Variants in ATF1 observed in about 807,000 individuals in gnomAD.
ATF1 encodes cyclic AMP-dependent transcription factor ATF-1.
Under a neutral mutation model 34.7 loss-of-function variants are expected in ATF1, and 16 were observed. The ratio of observed to expected loss-of-function variants is 0.46; its 90% CI spans 0.31 to 0.70. The LOEUF is 0.70. Among genes scored for constraint, ATF1 ranks in the 30% least tolerant of loss-of-function variants. The probability of loss-of-function intolerance (pLI) is 0.05; values close to 1 mark genes in which losing one functional copy is unlikely to be tolerated. For missense variants in ATF1, 255 were observed against 321.6 expected, an observed-to-expected ratio of 0.79 and a Z score of 1.58; for synonymous variants, 105 against 113.1, an observed-to-expected ratio of 0.93 and a Z score of 0.46.
intron 3 of ATF1, among the ~76,000 whole-genome samples, chr12:50,807,734 T>C (rs1941643221): frequency 6.6e-6 from 1 of 152,092 alleles, no homozygotes; most frequent in East Asian, 1.9e-4. Context: ...TAAGCATTTC[T>C]TTTTTCTTTT....
At chr12:50,787,010 G>A (rs1486114672) in intron 2 of ATF1, among the ~76,000 whole-genome samples, 4 of 152,160 alleles carry the variant, frequency 2.6e-5, no homozygotes, top group Non-Finnish European at 5.9e-5. Context: ...ATTTGAAGCT[G>A]GTAGTACACT....
At position 50,765,835 on chromosome 12, in the gene ATF1, C is replaced by T. The variant is rs560222033; in HGVS notation, c.-7+1528C>T. 3.3e-5 allele frequency among the ~76,000 whole-genome samples: 5 copies of T among 152,268 alleles called. No homozygotes were observed. In the East Asian group the frequency reaches 9.6e-4, roughly 29 times the overall value. On this transcript the variant is annotated intron_variant, in intron 1 of 6. Transcript: ENST00000262053. ...CCCATGGCAATGTCAGGAAGTTACC[C>T]TATATGGTCTAAAAAGGGGAGGCGT...
At chr12:50,818,740 G>A (rs1472826362) in intron 6 of ATF1, among the ~76,000 whole-genome samples, 1 of 152,174 alleles carries the variant, frequency 6.6e-6, no homozygotes, top group Non-Finnish European at 1.5e-5. Context: ...CTCCCAAGTA[G>A]CTGGGATTAC....
upstream of ATF1, chr12:50,763,872 TC>T (rs1372591205): frequency 6.6e-6 from 1 of 151,962 alleles, no homozygotes; most frequent in Admixed American, 6.6e-5. Context: ...GCAGGCACCG[TC>T]CCTCTCCCGC....
intron 2 of ATF1, among the ~76,000 whole-genome samples, chr12:50,787,165 T>TA (rs1565906590): frequency 6.6e-6 from 1 of 152,212 alleles, no homozygotes; most frequent in Non-Finnish European, 1.5e-5. Context: ...CTATTTACTT[T>TA]AGTCTCTAGT....
At chr12:50,766,530 A>G (rs1414353107) in intron 1 of ATF1, among the ~76,000 whole-genome samples, 1 of 150,716 alleles carries the variant, frequency 6.6e-6, no homozygotes, top group Non-Finnish European at 1.5e-5. Flanking sequence ...TTTTAATTTA[A>G]GTTTTAGGGT....
chr12:50,807,955 G>T (rs1250427005), intron 3 of ATF1, among the ~76,000 whole-genome samples: 1 of 151,836 alleles, frequency 6.6e-6, no homozygotes, highest in African/African-American at 2.4e-5. Context: ...AATTACAGGC[G>T]TGAGCCACCA....
At chr12:50,811,255 A>G (rs962619886) in intron 4 of ATF1, among the ~76,000 whole-genome samples, 4 of 152,102 alleles carry the variant, frequency 2.6e-5, no homozygotes, top group African/African-American at 4.8e-5. Context: ...ATTTTTCTTT[A>G]TAGCATTTAC....
intron 1 of ATF1, among the ~76,000 whole-genome samples, chr12:50,779,531 T>C (rs963944959): frequency 1.3e-5 from 2 of 151,978 alleles, no homozygotes; most frequent in African/African-American, 4.8e-5. Flanking sequence ...TTTCATAAGC[T>C]TTCTGGCTAG....
chr12:50,819,137 C>G (rs1438450144), intron 6 of ATF1, among the ~76,000 whole-genome samples: 1 of 152,200 alleles, frequency 6.6e-6, no homozygotes, highest in Non-Finnish European at 1.5e-5. Context: ...CATGCCTATG[C>G]AGCTAACCCT....
chr12:50,818,915 G>T (rs1046939010), intron 6 of ATF1, among the ~76,000 whole-genome samples: 1 of 152,164 alleles, frequency 6.6e-6, no homozygotes. Context: ...CAATACTTCC[G>T]ATTTCTATAT....
At chr12:50,810,629 C>T (rs971688427) in intron 4 of ATF1, among the ~76,000 whole-genome samples, 1 of 152,150 alleles carries the variant, frequency 6.6e-6, no homozygotes, top group African/African-American at 2.4e-5. Context: ...TAGTATAACA[C>T]CGCCAATCAA....
At chr12:50,765,127 CTGG>C (rs2139629533) in intron 1 of ATF1, among the ~76,000 whole-genome samples, 1 of 152,296 alleles carries the variant, frequency 6.6e-6, no homozygotes, top group South Asian at 2.1e-4. Context: ...GATTGGGCAA[CTGG>C]TAGTCTTTGA....
chr12:50,779,915 A>G (rs1183450764), intron 1 of ATF1, among the ~76,000 whole-genome samples: 2 of 152,192 alleles, frequency 1.3e-5, no homozygotes, highest in African/African-American at 4.8e-5. Flanking sequence ...CTTAGTCATC[A>G]TAATTTATGT....
chr12:50,805,238 C>T (rs1941591593), intron 3 of ATF1, among the ~76,000 whole-genome samples: 1 of 151,872 alleles, frequency 6.6e-6, no homozygotes, highest in African/African-American at 2.4e-5. Context: ...GCTCTGTGAT[C>T]ATACTGGAAT....
At chr12:50,772,940 C>T (rs1940813687) in intron 1 of ATF1, among the ~76,000 whole-genome samples, 1 of 152,130 alleles carries the variant, frequency 6.6e-6, no homozygotes, top group South Asian at 2.1e-4. Context: ...CTCCACAGGC[C>T]CCAGTGTGTG....
At chr12:50,787,054 C>T (rs1941199777) in intron 2 of ATF1, among the ~76,000 whole-genome samples, 1 of 152,216 alleles carries the variant, frequency 6.6e-6, no homozygotes, top group Non-Finnish European at 1.5e-5. Flanking sequence ...AATCCAAACC[C>T]AGCTCAGTTC....
chr12:50,793,730 CTA>C (rs2139668184), intron 2 of ATF1, among the ~76,000 whole-genome samples: 1 of 151,086 alleles, frequency 6.6e-6, no homozygotes, highest in Admixed American at 6.6e-5. Context: ...TGGGTTATGA[CTA>C]ATTCTTTTCT....
At chr12:50,792,909 T>G (rs1323286380) in intron 2 of ATF1, among the ~76,000 whole-genome samples, 1 of 152,180 alleles carries the variant, frequency 6.6e-6, no homozygotes, top group Non-Finnish European at 1.5e-5. Flanking sequence ...TTATTTGTAT[T>G]TATCTACCTT....
Sources: allele counts gnomAD v4.1 joint callset (sites outside exome capture counted in the v4.1 genomes callset), GRCh38; gene constraint gnomAD v4.1.1; transcripts MANE v1.5; gene names NCBI Gene and HGNC (gene_info 2026-07-23, HGNC 2026-07-21).